The following LOC400499 variants were observed in gnomAD, a reference collection of about 807,000 sequenced individuals.
chr16:11,422,501 G>A, the LOC400499 span, among the ~76,000 whole-genome samples: 2 of 152,198 alleles, frequency 1.3e-5, no homozygotes, highest in Admixed American at 1.3e-4. Context: ...ACAAACAGCA[G>A]CAACAGCGGC....
At chr16:11,402,020 C>A in the LOC400499 span, 1 of 399,166 alleles carries the variant, frequency 2.5e-6, no homozygotes, top group Non-Finnish European at 4.4e-6. Context: ...GGGTCACCTT[C>A]CGGCCCTGAC....
chr16:11,381,110 G>A, the LOC400499 span: 1 of 152,166 alleles, frequency 6.6e-6, no homozygotes, highest in Non-Finnish European at 1.5e-5. Context: ...ATGTTCAACC[G>A]ATGCTTTATG....
chr16:11,391,935 A>T, the LOC400499 span: 1 of 770,588 alleles, frequency 1.3e-6, no homozygotes, highest in Non-Finnish European at 1.8e-6. Context: ...CTGCCTGGTG[A>T]GTGGGGGCTA....
chr16:11,461,692 TCGGGGGGTCCA>T, the LOC400499 span, among the ~76,000 whole-genome samples: 1 of 152,068 alleles, frequency 6.6e-6, no homozygotes, highest in Non-Finnish European at 1.5e-5. Flanking sequence ...GACACCCACA[TCGGGGGGTCCA>T]CAGCCACTGC....
chr16:11,405,844 C>T, the LOC400499 span, among the ~76,000 whole-genome samples: 1 of 152,118 alleles, frequency 6.6e-6, no homozygotes. Flanking sequence ...AGATAGAACA[C>T]AATGCAAACG....
At chr16:11,523,461 G>C in the LOC400499 span, 4 of 398,600 alleles carry the variant, frequency 1.0e-5, no homozygotes, top group East Asian at 3.6e-5. Context: ...CCCCACCTGC[G>C]AATCTGGAAT....
the LOC400499 span, among the ~76,000 whole-genome samples, chr16:11,419,762 C>T: frequency 6.6e-6 from 1 of 152,052 alleles, no homozygotes; most frequent in Non-Finnish European, 1.5e-5. Context: ...AAAAAAACAA[C>T]CCCATCAAAA....
chr16:11,399,244 C>T, the LOC400499 span: 14 of 985,392 alleles, frequency 1.4e-5, no homozygotes, highest in South Asian at 4.7e-5. Flanking sequence ...CCCAGCATCT[C>T]GGGCCGTTCC....
the LOC400499 span, chr16:11,471,147 G>T: frequency 6.6e-6 from 1 of 152,452 alleles, no homozygotes; most frequent in East Asian, 1.9e-4. Flanking sequence ...GGCCCATCTG[G>T]CTGCTGGTAA....
chr16:11,461,086 C>T, the LOC400499 span: 1 of 1,535,962 alleles, frequency 6.5e-7, no homozygotes. Context: ...GGCGGCCACC[C>T]TCCGTCCATT....
At chr16:11,518,819 A>G in the LOC400499 span, 1 of 399,002 alleles carries the variant, frequency 2.5e-6, no homozygotes, top group Non-Finnish European at 4.4e-6. Flanking sequence ...CCAGAGCCCG[A>G]CAGCTGTTGA....
the LOC400499 span, among the ~76,000 whole-genome samples, chr16:11,412,461 AC>A: frequency 6.6e-6 from 1 of 151,408 alleles, no homozygotes; most frequent in Non-Finnish European, 1.5e-5. Flanking sequence ...TGGCTTACTC[AC>A]CCCCTCCCTC....
At chr16:11,523,259 C>G in the LOC400499 span, among the ~76,000 whole-genome samples, 1 of 152,216 alleles carries the variant, frequency 6.6e-6, no homozygotes, top group Non-Finnish European at 1.5e-5. Flanking sequence ...CTTTCCAGAA[C>G]TGGCCTTGGT....
At chr16:11,382,793 G>C in the LOC400499 span, among the ~76,000 whole-genome samples, 20 of 152,278 alleles carry the variant, frequency 1.3e-4, no homozygotes, top group African/African-American at 4.8e-4. Context: ...CTGGGTGACA[G>C]AGTGAGACTG....
the LOC400499 span, among the ~76,000 whole-genome samples, chr16:11,415,780 A>G: frequency 2.0e-5 from 3 of 152,050 alleles, no homozygotes; most frequent in South Asian, 2.1e-4. Context: ...TGGGTCGGGA[A>G]CTAGAGCGGC....
the LOC400499 span, among the ~76,000 whole-genome samples, chr16:11,444,743 G>C: frequency 6.6e-6 from 1 of 152,114 alleles, no homozygotes; most frequent in Middle Eastern, 3.2e-3. Flanking sequence ...TACTCATGGA[G>C]ATCATGAGCT....
At chr16:11,515,550 A>G in the LOC400499 span, among the ~76,000 whole-genome samples, 1 of 151,550 alleles carries the variant, frequency 6.6e-6, no homozygotes, top group South Asian at 2.1e-4. Context: ...ATAAAATAAA[A>G]TTTCTTGAAG....
chr16:11,462,386 G>A, the LOC400499 span: 8 of 1,380,754 alleles, frequency 5.8e-6, no homozygotes, highest in East Asian at 2.8e-5. Flanking sequence ...ACCAGACAGG[G>A]CAGGAGACAA....
chr16:11,395,195 C>T, the LOC400499 span, among the ~76,000 whole-genome samples: 22 of 152,192 alleles, frequency 1.4e-4, no homozygotes, highest in Non-Finnish European at 2.4e-4. Flanking sequence ...GCCATGCCTG[C>T]CTCTGTGTAG....
Sources: allele counts gnomAD v4.1 joint callset (sites outside exome capture counted in the v4.1 genomes callset), GRCh38; gene constraint gnomAD v4.1.1; transcripts MANE v1.5.